TNXB: variants seen among roughly 807,000 people sequenced by gnomAD.
TNXB encodes tenascin XB.
Under a neutral mutation model 340.5 loss-of-function variants are expected in TNXB, and 183 were observed. The observed-to-expected ratio is 0.54, with a 90% CI of 0.48 to 0.61. TNXB has a LOEUF of 0.61. Ranked by LOEUF, TNXB falls within the 20% of genes least tolerant of loss-of-function variation. The probability of loss-of-function intolerance (pLI) is 0.00; values close to 1 mark genes in which losing one functional copy is unlikely to be tolerated. For missense variants in TNXB, 4,613 were observed against 5,446.4 expected, an observed-to-expected ratio of 0.85 and a Z score of 4.82; for synonymous variants, 2,121 against 2,314.5, an observed-to-expected ratio of 0.92 and a Z score of 2.40.
intron 34 of TNXB, 43 bp downstream of exon 34, chr6:32,043,964 G>A (rs775891374): frequency 2.5e-6 from 4 of 1,608,854 alleles, no homozygotes; most frequent in Non-Finnish European, 3.4e-6. Context: ...AGTGCAGGGG[G>A]GAGAGGAAAT....
Position 32,096,385 on chromosome 6 carries a change from G to T in TNXB, c.1468C>A (p.Arg490=), listed in dbSNP as rs763709773. Residue 490 remains arginine (R), a synonymous_variant, in exon 3 of 44, where the codon CGG becomes AGG. Coordinates refer to ENST00000644971, the MANE Select transcript of TNXB (RefSeq NM_001365276.2). ...GGACAGGCGCGCGTGCCGCAGTCCCGGCCTGTGTACCCCGGCCAACACATG... is the reference window on the plus strand; with the variant it reads ...GGACAGGCGCGCGTGCCGCAGTCCCTGCCTGTGTACCCCGGCCAACACATG... ...RCMCWPGYTG[R]DCGTRACPGD... is the part of the protein sequence containing the mutation. The T allele has an allele frequency of 1.5e-5, 23 of 1,556,774 alleles. No individual in the cohort carries two copies. The highest frequency in any genetic ancestry group is 1.9e-5 in the Non-Finnish European group (22 of 1,160,132).
At chr6:32,078,447 CAA>C (rs755788673) in intron 11 of TNXB, 12 of 57,240 alleles carry the variant, frequency 2.1e-4, no homozygotes, top group Non-Finnish European at 3.0e-4. Context: ...GACTCTGTCT[CAA>C]AAAAAAAAAA....
intron 22 of TNXB, among the ~76,000 whole-genome samples, 179 bp downstream of exon 22, chr6:32,057,879 C>T (rs925607867): frequency 2.0e-5 from 3 of 152,188 alleles, no homozygotes; most frequent in Non-Finnish European, 4.4e-5. Flanking sequence ...ACATGCTCAC[C>T]CGCCTTTGCT....
rs1441225696 is a variant in TNXB, at chr6:32,062,383, C to T, written c.6942G>A (p.Ala2314=). 1.9e-6 allele frequency: 3 copies of T among 1,613,234 alleles called. No homozygotes were observed. Among genetic ancestry groups the T allele is most frequent in the Non-Finnish European group, 2.5e-6 (3 of 1,179,856 alleles). The change falls in exon 20 of 44, where the codon GCG becomes GCA. Residue 2314 remains alanine, a synonymous_variant. Coordinates refer to ENST00000644971, the MANE Select transcript of TNXB (RefSeq NM_001365276.2). The surrounding 1 kb of genome is among the most constrained non-coding windows in gnomAD (Gnocchi z 4.3). ...AGGACAGGCTGAGGGAGTCAGGGGT[C>T]GCATCTGTCACGGTCAGCTCCTCCA... ...PRLEELTVTD[A]TPDSLSLSWT...
At chr6:32,100,440 A>G (rs1230957393) in intron 1 of TNXB, among the ~76,000 whole-genome samples, 2 of 152,076 alleles carry the variant, frequency 1.3e-5, no homozygotes, top group Non-Finnish European at 2.9e-5. Flanking sequence ...ACAAAACCTA[A>G]CCATAGGCCG....
At position 32,097,688 on chromosome 6, in the gene TNXB, C is replaced by T. The variant is rs947232703; in HGVS notation, c.403+108G>A. On this transcript the variant is annotated intron_variant, in intron 2 of 43. Transcript: ENST00000644971. This position sits in a 1 kb window ranked among gnomAD's most constrained non-coding sequence, Gnocchi z 5.9. ...TGTTCTGGGCTGCATCCACACCCCT[C>T]ATGGTGAGGAAGGAGTGCCTTCTTC... 10 of 1,299,390 alleles carry T rather than the reference C, an allele frequency of 7.7e-6. No homozygotes were observed. Among genetic ancestry groups the T allele is most frequent in the Non-Finnish European group, 8.2e-6 (8 of 971,472 alleles). The allele number at this position is 1,299,390 out of a possible 1,614,324, so 80.5% of individuals were successfully genotyped here. A position where few individuals can be genotyped will look rare whatever the true frequency, so the allele number is the denominator to read the frequency against.
Position 32,089,196 on chromosome 6 carries a change from AC to A in TNXB, c.2515+26del. 6.3e-7 allele frequency: 1 copy of A among 1,578,344 alleles called. No homozygotes were observed. Among genetic ancestry groups the A allele is most frequent in the Non-Finnish European group, 8.6e-7 (1 of 1,161,176 alleles). On this transcript the variant is annotated intron_variant, in intron 5 of 43. Transcript: ENST00000644971. The surrounding 1 kb of genome is among the most constrained non-coding windows in gnomAD (Gnocchi z 6.2). ...TCTAGTCCAGATCTCCACTCAGGACACCCCTCCCCACAGCCCCAGCTCTCAC... is the reference window on the plus strand; with the variant it reads ...TCTAGTCCAGATCTCCACTCAGGACACCCTCCCCACAGCCCCAGCTCTCAC...
chr6:32,095,098 T>C lies in TNXB; in HGVS notation c.2336A>G (p.Tyr779Cys), dbSNP rs1210055900. The C allele has an allele frequency of 1.1e-5, 17 of 1,549,034 alleles. No individual in the cohort carries two copies. The highest frequency in any genetic ancestry group is 7.3e-5 in the East Asian group (3 of 40,974). The change falls in exon 4 of 44, where the codon TAT becomes TGT. Residue 779 changes from tyrosine to cysteine, a missense_variant. Coordinates refer to ENST00000644971, the MANE Select transcript of TNXB (RefSeq NM_001365276.2). The part of the protein sequence containing the change: ...WTPAPGPVDA[Y>C]EIQFIPTTEG... ...CACCGTGGGGATGAACTGAATTTCA[T>C]AGGCATCCACGGGGCCAGGAGCCGG... is the stretch of plus-strand genomic sequence containing the variant.
At position 32,089,985 on chromosome 6, in the gene TNXB, G is replaced by GT. The variant is rs1183685499; in HGVS notation, c.2359-607dup. ...GGTCTGCCTCACCCTGAACCTCCTC[G>GT]TAGATGCCTGCTCATGGCTGTGTAA... On this transcript the variant is annotated intron_variant, in intron 4 of 43. Transcript: ENST00000644971. The surrounding 1 kb of genome is among the most constrained non-coding windows in gnomAD (Gnocchi z 6.2). Among the ~76,000 whole-genome samples, 1 of 152,128 alleles carries GT rather than the reference G, an allele frequency of 6.6e-6. No homozygotes were observed. Among genetic ancestry groups the GT allele is most frequent in the Non-Finnish European group, 1.5e-5 (1 of 68,012 alleles).
In TNXB at chr6:32,096,761, T is replaced by A. The variant is rs1294335367; in HGVS notation, c.1092A>T (p.Thr364=). The A allele has an allele frequency of 6.5e-7, 1 of 1,540,038 alleles. No homozygotes were observed. Among genetic ancestry groups the A allele is most frequent in the East Asian group, 2.5e-5 (1 of 40,428 alleles). ...DGRCVCWPGY[T]GEDCSTRTCP... ...ATGTCCGCGTGCTGCAGTCCTCGCCTGTGTACCCGGGCCAGCACACGCAGC... is the reference window on the plus strand; with the variant it reads ...ATGTCCGCGTGCTGCAGTCCTCGCCAGTGTACCCGGGCCAGCACACGCAGC... The change falls in exon 3 of 44, where the codon ACA becomes ACT. Residue 364 remains threonine (T), a synonymous_variant. Transcript: ENST00000644971.
rs1781094108 is a variant in TNXB at position 32,108,629 on chromosome 6, T to C, written c.-9+552A>G. On this transcript the variant is annotated intron_variant, in intron 1 of 43. Coordinates refer to ENST00000644971, the MANE Select transcript of TNXB (RefSeq NM_001365276.2). This position sits in a 1 kb window ranked among gnomAD's most constrained non-coding sequence, Gnocchi z 4.8. ...AAGAGATCTCCCAGACCTCCCTCCCTGCAACTCTCACGCTGCCACCTAGGG... is the reference window on the plus strand; with the variant it reads ...AAGAGATCTCCCAGACCTCCCTCCCCGCAACTCTCACGCTGCCACCTAGGG... Among the ~76,000 whole-genome samples, 1 of 152,052 alleles carries C rather than the reference T, an allele frequency of 6.6e-6. No homozygotes were observed. The highest frequency in any genetic ancestry group is 2.4e-5 in the African/African-American group (1 of 41,396).
Position 32,068,777 on chromosome 6 carries a change from C to T in TNXB, c.5902+45G>A. The T allele has an allele frequency of 1.3e-6, 2 of 1,591,870 alleles. No homozygotes were observed. The highest frequency in any genetic ancestry group is 1.7e-6 in the Non-Finnish European group (2 of 1,166,724). On this transcript the variant is annotated intron_variant, in intron 16 of 43. Transcript: ENST00000644971. The surrounding 1 kb of genome is among the most constrained non-coding windows in gnomAD (Gnocchi z 5.3). The stretch of plus-strand genomic sequence containing the variant: ...CCGCGGGACTCTGCTGTCCTCTGGA[C>T]TCTCCCAGCCATCTGAAAGGAGGCA...
In TNXB at chr6:32,052,796, G is replaced by C. The variant is rs769065624; in HGVS notation, c.8989C>G (p.Arg2997Gly). ...KDRDGRPQVVRVRGEESEVTV... is the reference protein window; with the variant it reads ...KDRDGRPQVVGVRGEESEVTV... ...ACCTCGCTCTCCTCGCCCCTGACAC[G>C]CACCACCTGGGGCCGCCCGTCCCTG... The change falls in exon 26 of 44, where the codon CGT becomes GGT. Residue 2997 changes from arginine (R) to glycine (G), a missense_variant. Coordinates refer to ENST00000644971, the MANE Select transcript of TNXB (RefSeq NM_001365276.2). The surrounding 1 kb of genome is among the most constrained non-coding windows in gnomAD (Gnocchi z 4.7). 5 of 1,613,610 alleles carry C rather than the reference G, an allele frequency of 3.1e-6. No individual in the cohort carries two copies. Among genetic ancestry groups the C allele is most frequent in the Admixed American group, 3.3e-5 (2 of 59,984 alleles).
rs1313695088 is a variant in TNXB, at chr6:32,072,544, A to G, written c.4682-246T>C. 6.6e-6 allele frequency among the ~76,000 whole-genome samples: 1 copy of G among 152,272 alleles called. No individual in the cohort carries two copies. The highest frequency in any genetic ancestry group is 1.5e-5 in the Non-Finnish European group (1 of 68,052). ...CATGTCACCTTAGAGTTATTGCAGA[A>G]ACTTTAAAATACCTTTTATATCCAT... On this transcript the variant is annotated intron_variant, in intron 12 of 43. Transcript: ENST00000644971. The surrounding 1 kb of genome is among the most constrained non-coding windows in gnomAD (Gnocchi z 4.4).
intron 24 of TNXB, among the ~76,000 whole-genome samples, chr6:32,055,136 CCCTTCTT>C (rs1447913293): frequency 1.3e-5 from 2 of 152,182 alleles, no homozygotes; most frequent in African/African-American, 4.8e-5. Context: ...ATAGGGTTAT[CCCTTCTT>C]CCTGACAGCG....
At position 32,047,655 on chromosome 6, in the gene TNXB, C is replaced by T. The variant is rs574332513; in HGVS notation, c.10324+79G>A. On this transcript the variant is annotated intron_variant, in intron 30 of 43. Coordinates refer to ENST00000644971, the MANE Select transcript of TNXB (RefSeq NM_001365276.2). This position sits in a 1 kb window ranked among gnomAD's most constrained non-coding sequence, Gnocchi z 6.2. ...GTCAGGGCTGATAGAGGGAATCTCA[C>T]GGGAAGGCTGCAGGGCCAGCTCTGA... The T allele has an allele frequency of 7.1e-5, 104 of 1,472,946 alleles. 1 individual carries two copies. The highest frequency in any genetic ancestry group is 2.0e-4 in the Middle Eastern group (1 of 5,074). The allele number at this position is 1,472,946 out of a possible 1,614,324, so 91.2% of individuals were successfully genotyped here. A position where few individuals can be genotyped will look rare whatever the true frequency, so the allele number is the denominator to read the frequency against.
intron 19 of TNXB, among the ~76,000 whole-genome samples, chr6:32,063,988 A>G (rs1778178707): frequency 6.6e-6 from 1 of 152,188 alleles, no homozygotes; most frequent in South Asian, 2.1e-4. Flanking sequence ...AGCTTAGAGA[A>G]CACATACAAT....
chr6:32,058,244 C>T lies in TNXB; in HGVS notation c.7639G>A (p.Gly2547Ser). 6.2e-7 allele frequency: 1 copy of T among 1,612,476 alleles called. No homozygotes were observed. The highest frequency in any genetic ancestry group is 1.1e-5 in the South Asian group (1 of 91,064). Residue 2547 changes from glycine (G) to serine (S), a missense_variant, in exon 22 of 44, where the codon GGC (glycine) becomes AGC (serine). Gly to Ser is a moderately conservative substitution (Grantham distance 56, BLOSUM62 0). Transcript: ENST00000644971. The surrounding 1 kb of genome is among the most constrained non-coding windows in gnomAD (Gnocchi z 5.1). ...TGCACGGTGAAGGAGTCAAAGCGGC[C>T]CTGGGGGACGGTCCAGGAAAGGCTC... Reference protein sequence around the residue: ...SLSLSWTVPQGRFDSFTVQYK... With the variant: ...SLSLSWTVPQSRFDSFTVQYK...
intron 43 of TNXB, 108 bp from the exon 44 acceptor site, chr6:32,041,558 T>G (rs1012991583): frequency 5.6e-6 from 6 of 1,069,320 alleles, no homozygotes; most frequent in African/African-American, 3.4e-5. Context: ...CCCGCAGAGC[T>G]CCCTTCCTGA....
Sources: allele counts gnomAD v4.1 joint callset (sites outside exome capture counted in the v4.1 genomes callset), GRCh38; gene constraint gnomAD v4.1.1; non-coding constraint Gnocchi (gnomAD v3.1); transcripts MANE v1.5; gene names NCBI Gene and HGNC (gene_info 2026-07-23, HGNC 2026-07-21).